The following ETV3 variants were observed in gnomAD, a reference collection of about 807,000 sequenced individuals.
ETV3 encodes the protein ETS variant transcription factor 3, also known as ETS translocation variant 3.
Under a neutral mutation model 33.0 loss-of-function variants are expected in ETV3, and 8 were observed. The observed-to-expected ratio is 0.24, with a 90% confidence interval of 0.14 to 0.44. ETV3 has a LOEUF of 0.44. ETV3 is among the 20% of genes least tolerant of loss of function. The pLI is 1.00. For synonymous variants in ETV3, 222 were observed against 238.9 expected, an observed-to-expected ratio of 0.93 and a Z score of 0.65; for missense variants, 473 against 652.3, an observed-to-expected ratio of 0.73 and a Z score of 2.99.
chr1:157,128,349 G>T lies in ETV3; in HGVS notation c.401-2370C>A, dbSNP rs1423220660. 1.3e-4 allele frequency: 22 copies of T among 174,372 alleles called. 1 individual carries two copies. The highest frequency in any genetic ancestry group is 1.2e-3 in the Admixed American group (21 of 17,768). The allele number at this position is 174,372 out of a possible 1,614,324, so 10.8% of individuals were successfully genotyped here. On this transcript the variant is annotated intron_variant, in intron 4 of 4. Coordinates refer to ENST00000368192, the MANE Select transcript of ETV3 (RefSeq NM_001145312.3). Reference sequence around the variant, plus strand: ...AACCTTCATATTGCCAGTGATGAAAGAGAGAATTAAATACGGGTGATATTG... The same window carrying T: ...AACCTTCATATTGCCAGTGATGAAATAGAGAATTAAATACGGGTGATATTG...
At chr1:157,133,062 C>T (rs1320020213) in intron 4 of ETV3, 1 of 152,202 alleles carries the variant, frequency 6.6e-6, no homozygotes, top group Non-Finnish European at 1.5e-5. Flanking sequence ...CTACAGTAGT[C>T]CTTTCTTATC....
chr1:157,128,055 A>G (rs1020649904), intron 4 of ETV3, among the ~76,000 whole-genome samples: 20 of 152,202 alleles, frequency 1.3e-4, no homozygotes, highest in African/African-American at 3.9e-4. Flanking sequence ...TTTTAAGTAT[A>G]GTGATCTAGG....
intron 4 of ETV3, among the ~76,000 whole-genome samples, chr1:157,132,480 A>G (rs1217512260): frequency 6.6e-6 from 1 of 152,240 alleles, no homozygotes; most frequent in Non-Finnish European, 1.5e-5. Context: ...TTCAATAGAT[A>G]AAAATGGGTC....
Position 157,124,966 on chromosome 1 carries a change from G to T in ETV3, c.1414C>A (p.Pro472Thr). 1 of 1,551,822 alleles carries T rather than the reference G, an allele frequency of 6.4e-7. No individual in the cohort carries two copies. Among genetic ancestry groups the T allele is most frequent in the Non-Finnish European group, 8.7e-7 (1 of 1,147,048 alleles). The change falls in exon 5 of 5, where the codon CCC (proline) becomes ACC (threonine). Residue 472 changes from proline to threonine, a missense_variant. This residue lies in a region of ETV3 where 410 missense variants were observed against 520.2 expected (regional missense o/e 0.79). Transcript: ENST00000368192. ...PEKKEDALMP[P>T]KLRLKRRWND... ...CAGCGCCGCTTCAACCGAAGCTTGGGGGGCATCAGTGCATCTTCTTTCTTC... is the reference window on the plus strand; with the variant it reads ...CAGCGCCGCTTCAACCGAAGCTTGGTGGGCATCAGTGCATCTTCTTTCTTC...
At chr1:157,132,559 A>G (rs1674992540) in intron 4 of ETV3, among the ~76,000 whole-genome samples, 1 of 152,132 alleles carries the variant, frequency 6.6e-6, no homozygotes, top group African/African-American at 2.4e-5. Context: ...AAAACCAACA[A>G]ATTCTTTAAA....
At chr1:157,133,441 C>T in intron 4 of ETV3, 2 of 985,558 alleles carry the variant, frequency 2.0e-6, no homozygotes, top group African/African-American at 1.7e-5. Context: ...CAAAAAACCA[C>T]ACAACAACAA....
intron 4 of ETV3, chr1:157,128,397 TC>T: frequency 4.0e-6 from 1 of 252,364 alleles, no homozygotes; most frequent in South Asian, 5.0e-5. Flanking sequence ...AGATTTGTGT[TC>T]AGAAGTGTGC....
intron 4 of ETV3, among the ~76,000 whole-genome samples, chr1:157,132,291 C>T (rs891652154): frequency 2.6e-5 from 4 of 152,202 alleles, no homozygotes; most frequent in Non-Finnish European, 5.9e-5. Flanking sequence ...GGTTAAAGAT[C>T]AATGTTGGTT....
rs555388242 is a variant in ETV3 at position 157,125,885 on chromosome 1, C to A, written c.495G>T (p.Gln165His). 4.6e-5 allele frequency: 71 copies of A among 1,551,740 alleles called. No individual in the cohort carries two copies. The East Asian group carries it at 1.3e-3, about 28-fold the overall frequency. ...GGGAGCTAGCAGAGAACCGTCCCGG[C>A]TGCACATCATTGGTTGGAGAATGGG... ...LDTHSPTNDV[Q>H]PGRFSASSLT... The change falls in exon 5 of 5, where the codon CAG becomes CAT. Residue 165 changes from glutamine to histidine, a missense_variant. Around this residue, in one of 3 missense-constraint regions of ETV3, gnomAD observed 410 missense variants for 520.2 expected, o/e 0.79. Transcript: ENST00000368192. The surrounding 1 kb of genome is among the most constrained non-coding windows in gnomAD (Gnocchi z 4.0).
chr1:157,130,296 A>C (rs1320557044), intron 4 of ETV3, among the ~76,000 whole-genome samples: 1 of 152,188 alleles, frequency 6.6e-6, no homozygotes, highest in Non-Finnish European at 1.5e-5. Flanking sequence ...CAATACTGGG[A>C]AGCATTGCTT....
At chr1:157,137,011 A>T (rs938495213) in intron 1 of ETV3, among the ~76,000 whole-genome samples, 2 of 152,166 alleles carry the variant, frequency 1.3e-5, no homozygotes, top group African/African-American at 4.8e-5. Context: ...ACTCTCAAAA[A>T]TTTTTTGAGA....
intron 1 of ETV3, among the ~76,000 whole-genome samples, chr1:157,136,919 C>T (rs1675126615): frequency 6.6e-6 from 1 of 152,156 alleles, no homozygotes; most frequent in African/African-American, 2.4e-5. Flanking sequence ...ACAAACTGCT[C>T]CCTCCCCCTT....
rs1298014165 is a variant in ETV3 at position 157,125,840 on chromosome 1, C to G, written c.540G>C (p.Glu180Asp). Reference sequence around the variant, plus strand: ...TCTTTCTATCAGTACCATTACTGGACTCCTGGCCAGAAGCAGTTAGGGAGC... The same window carrying G: ...TCTTTCTATCAGTACCATTACTGGAGTCCTGGCCAGAAGCAGTTAGGGAGC... ...SASSLTASGQ[E>D]SSNGTDRKTE... Residue 180 changes from glutamate (E) to aspartate (D), a missense_variant, in exon 5 of 5, where the codon GAG (glutamate) becomes GAC (aspartate). By Grantham distance (45) the Glu-to-Asp change is conservative. Coordinates refer to ENST00000368192, the MANE Select transcript of ETV3 (RefSeq NM_001145312.3). The surrounding 1 kb of genome is among the most constrained non-coding windows in gnomAD (Gnocchi z 4.0). 1 of 1,551,714 alleles carries G rather than the reference C, an allele frequency of 6.4e-7. No homozygotes were observed. Among genetic ancestry groups the G allele is most frequent in the Admixed American group, 2.0e-5 (1 of 51,008 alleles).
Position 157,125,633 on chromosome 1 carries a change from G to C in ETV3, c.747C>G (p.Val249=), listed in dbSNP as rs550245142. The change falls in exon 5 of 5, where the codon GTC becomes GTG. Residue 249 remains valine, a synonymous_variant. Coordinates refer to ENST00000368192, the MANE Select transcript of ETV3 (RefSeq NM_001145312.3). The surrounding 1 kb of genome is among the most constrained non-coding windows in gnomAD (Gnocchi z 4.0). Reference sequence around the variant, plus strand: ...CACCTCCGCGGCCAGGGATTGGAGAGACAGCGAAGGGACTGTGGGGGTCAG... The same window carrying C: ...CACCTCCGCGGCCAGGGATTGGAGACACAGCGAAGGGACTGTGGGGGTCAG... The part of the protein sequence containing the change: ...MYPDPHSPFA[V]SPIPGRGGVL... The C allele has an allele frequency of 1.9e-6, 3 of 1,551,748 alleles. No homozygotes were observed. The highest frequency in any genetic ancestry group is 2.7e-5 in the African/African-American group (2 of 73,162).
At chr1:157,133,858 A>G in intron 4 of ETV3, 1 of 1,326,692 alleles carries the variant, frequency 7.5e-7, no homozygotes, top group African/African-American at 1.5e-5. Flanking sequence ...GCGTAATAGT[A>G]TCTAGGAGAT....
chr1:157,135,746 G>A lies in ETV3; in HGVS notation c.47-38C>T, dbSNP rs118060469. On this transcript the variant is annotated intron_variant, in intron 2 of 4. Coordinates refer to ENST00000368192, the MANE Select transcript of ETV3 (RefSeq NM_001145312.3). Reference sequence around the variant, plus strand: ...AAGGTCAAGATTAAGCTAGTTAAGAGGTAGGTACATACATACCAGCAACCC... The same window carrying A: ...AAGGTCAAGATTAAGCTAGTTAAGAAGTAGGTACATACATACCAGCAACCC... 162 of 1,603,330 alleles carry A rather than the reference G, an allele frequency of 1.0e-4. No homozygotes were observed. In the East Asian group the frequency reaches 3.4e-3, roughly 34 times the overall value.
At chr1:157,132,997 G>A (rs1013812318) in intron 4 of ETV3, 1 of 152,148 alleles carries the variant, frequency 6.6e-6, no homozygotes, top group African/African-American at 2.4e-5. Flanking sequence ...AGCATACAAG[G>A]CCACAATGAC....
chr1:157,126,086 T>A, intron 4 of ETV3, 107 bp from the exon 5 acceptor site: 2 of 1,013,386 alleles, frequency 2.0e-6, no homozygotes, highest in South Asian at 3.4e-5. Context: ...GAAACAATCA[T>A]TCCAACTGGA....
intron 1 of ETV3, among the ~76,000 whole-genome samples, chr1:157,137,602 T>G (rs1452359218): frequency 4.0e-5 from 6 of 150,596 alleles, no homozygotes; most frequent in Non-Finnish European, 7.4e-5. Context: ...GAGCTTCCTC[T>G]TCCACCTTAG....
Sources: allele counts gnomAD v4.1 joint callset (sites outside exome capture counted in the v4.1 genomes callset), GRCh38; gene constraint gnomAD v4.1.1; regional missense constraint gnomAD v4.1.1; non-coding constraint Gnocchi (gnomAD v3.1); transcripts MANE v1.5; gene names NCBI Gene and HGNC (gene_info 2026-07-23, HGNC 2026-07-21).